Variants in TEAD1 observed in about 807,000 individuals in gnomAD.
The protein encoded by TEAD1 is TEA domain transcription factor 1, also known as transcriptional enhancer factor TEF-1.
Under a neutral mutation model 54.9 loss-of-function variants are expected in TEAD1, and 9 were observed. The observed-to-expected ratio is 0.16, with a 90% CI of 0.10 to 0.29. The LOEUF (loss-of-function observed/expected upper bound fraction) is 0.29, where lower values mean the gene tolerates loss of function less well. Ranked by LOEUF, TEAD1 falls within the 10% of genes least tolerant of loss-of-function variation. The probability of loss-of-function intolerance (pLI) is 1.00; values close to 1 mark genes in which losing one functional copy is unlikely to be tolerated. For missense variants in TEAD1, 387 were observed against 535.9 expected, an observed-to-expected ratio of 0.72 and a Z score of 2.74; for synonymous variants, 200 against 187.8, an observed-to-expected ratio of 1.07 and a Z score of -0.53.
rs139186284 is a variant in TEAD1, at chr11:12,869,129, T to C, written c.330+4229T>C. On this transcript the variant is annotated intron_variant, in intron 5 of 12. Transcript: ENST00000527636. ...AGGGAAGGGCCCTCGATTATCCCAC[T>C]GAGGAGAAGGGATTCATCTGTGGGC... 5.2e-3 allele frequency among the ~76,000 whole-genome samples: 789 copies of C among 152,278 alleles called. 4 individuals carry two copies. The highest frequency in any genetic ancestry group is 0.018 in the African/African-American group (762 of 41,552).
intron 3 of TEAD1, among the ~76,000 whole-genome samples, chr11:12,846,224 A>G (rs575208789): frequency 6.6e-6 from 1 of 152,314 alleles, no homozygotes; most frequent in Admixed American, 6.5e-5. Context: ...TGTTGCCTGC[A>G]TGGAGAGTGG....
At chr11:12,845,326 A>G (rs1014770330) in intron 3 of TEAD1, among the ~76,000 whole-genome samples, 6 of 152,152 alleles carry the variant, frequency 3.9e-5, no homozygotes, top group African/African-American at 1.4e-4. Context: ...CTGCAGGGAA[A>G]GAGACATTTG....
intron 5 of TEAD1, among the ~76,000 whole-genome samples, chr11:12,878,096 C>G (rs77556212): frequency 0.021 from 3,242 of 152,192 alleles, 115 homozygotes; most frequent in African/African-American, 0.073. Flanking sequence ...TGTGAGCAGC[C>G]ACACCTGGTC....
chr11:12,785,459 T>G, intron 3 of TEAD1, among the ~76,000 whole-genome samples: 1 of 152,138 alleles, frequency 6.6e-6, no homozygotes, highest in East Asian at 1.9e-4. Context: ...AATGACCATA[T>G]CATTTAATGT....
intron 3 of TEAD1, among the ~76,000 whole-genome samples, chr11:12,848,496 G>A (rs1392627756): frequency 6.6e-6 from 1 of 152,170 alleles, no homozygotes; most frequent in East Asian, 1.9e-4. Context: ...AAGGAACTTG[G>A]AAGACAAAGC....
intron 1 of TEAD1, 71 bp downstream of exon 1, chr11:12,674,905 C>A (rs928355924): frequency 6.8e-6 from 1 of 146,492 alleles, no homozygotes; most frequent in Admixed American, 6.8e-5. Flanking sequence ...GGCGGCGCGT[C>A]CCTCGCGGGC....
chr11:12,801,239 C>A (rs1179400100), intron 3 of TEAD1, among the ~76,000 whole-genome samples: 1 of 152,186 alleles, frequency 6.6e-6, no homozygotes, highest in African/African-American at 2.4e-5. Context: ...ATTTTCACCG[C>A]AATAAAAGCT....
chr11:12,845,338 A>G (rs2134041246), intron 3 of TEAD1, among the ~76,000 whole-genome samples: 1 of 152,130 alleles, frequency 6.6e-6, no homozygotes, highest in Non-Finnish European at 1.5e-5. Context: ...AGACATTTGG[A>G]ATGTTGTGGA....
intron 5 of TEAD1, chr11:12,878,753 C>G: frequency 2.4e-6 from 1 of 409,204 alleles, no homozygotes; most frequent in South Asian, 3.9e-5. Context: ...TTTTATTGTT[C>G]CCAAGTATTA....
rs539317881 is a variant in TEAD1 at position 12,748,711 on chromosome 11, G to C, written c.-54-15468G>C. ...CACCCATATCATCTCGTATAACCAG[G>C]CTTGGGGACTAGGTTGTTGGCAGTG... On this transcript the variant is annotated intron_variant, in intron 2 of 12. Transcript: ENST00000527636. 7.9e-5 allele frequency among the ~76,000 whole-genome samples: 12 copies of C among 152,186 alleles called. No individual in the cohort carries two copies. The South Asian group carries it at 2.3e-3, about 29-fold the overall frequency.
Position 12,893,170 on chromosome 11 carries a change from G to GA in TEAD1, c.700-8770_700-8769insA, listed in dbSNP as rs758181420. 2.0e-5 allele frequency among the ~76,000 whole-genome samples: 3 copies of GA among 152,246 alleles called. No homozygotes were observed. The South Asian group carries it at 6.2e-4, about 32-fold the overall frequency. On this transcript the variant is annotated intron_variant, in intron 9 of 12. Transcript: ENST00000527636. ...GTCGGAAAGTACATTTGGCCTTCCA[G>GA]GTTTGGGGAGGAAGGCTGCAGCTGA...
intron 3 of TEAD1, among the ~76,000 whole-genome samples, chr11:12,792,881 C>A (rs1472575133): frequency 2.0e-5 from 3 of 152,052 alleles, no homozygotes; most frequent in African/African-American, 7.2e-5. Flanking sequence ...CATAGCAAGA[C>A]CCCATCTCTA....
chr11:12,858,413 GATCAGCCT>G, intron 3 of TEAD1, among the ~76,000 whole-genome samples: 1 of 152,174 alleles, frequency 6.6e-6, no homozygotes, highest in African/African-American at 2.4e-5. Flanking sequence ...CTAGGTAACA[GATCAGCCT>G]GTATTTCCAA....
In TEAD1 at chr11:12,799,313, C is replaced by T. The variant is rs890728490; in HGVS notation, c.202+34879C>T. 3.3e-5 allele frequency among the ~76,000 whole-genome samples: 5 copies of T among 152,324 alleles called. 1 individual carries two copies. The highest frequency in any genetic ancestry group is 6.8e-3 in the Middle Eastern group (2 of 294). ...GAATCTGGGCACAGAGCACTGAAGG[C>T]GCTTGTTAATAGTCACATGCAATCT... On this transcript the variant is annotated intron_variant, in intron 3 of 12. Transcript: ENST00000527636.
intron 3 of TEAD1, among the ~76,000 whole-genome samples, chr11:12,797,321 C>T (rs1945953536): frequency 6.6e-6 from 1 of 152,174 alleles, no homozygotes; most frequent in Non-Finnish European, 1.5e-5. Flanking sequence ...TGGACAATCA[C>T]AGAATGTGGG....
rs2134163645 is a variant in TEAD1 at position 12,925,522 on chromosome 11, C to G, written c.1014+470C>G. 1.3e-5 allele frequency among the ~76,000 whole-genome samples: 2 copies of G among 152,312 alleles called. 1 individual carries two copies. ...GGGTGGGGATACAACCAAACCATAT[C>G]ACCCTCCTTCTTTCTCCCACTTCTT... On this transcript the variant is annotated intron_variant, in intron 11 of 12. Transcript: ENST00000527636.
intron 10 of TEAD1, chr11:12,904,918 C>A: frequency 3.0e-6 from 1 of 328,714 alleles, no homozygotes; most frequent in Non-Finnish European, 5.9e-6. Flanking sequence ...TGGGAATTTA[C>A]TTGAGGTCAG....
rs563938748 is a variant in TEAD1 at position 12,698,219 on chromosome 11, G to T, written c.-55+22658G>T. Among the ~76,000 whole-genome samples the T allele has an allele frequency of 2.0e-5, 3 of 152,232 alleles. No homozygotes were observed. The South Asian group carries it at 6.2e-4, about 32-fold the overall frequency. Reference sequence around the variant, plus strand: ...TTGTGCAAGTGAGGAAGCGGGGACCGGGAGGTGAGGAGCCTTGCCGTGAAG... The same window carrying T: ...TTGTGCAAGTGAGGAAGCGGGGACCTGGAGGTGAGGAGCCTTGCCGTGAAG... On this transcript the variant is annotated intron_variant, in intron 2 of 12. Transcript: ENST00000527636.
chr11:12,868,407 G>A lies in TEAD1; in HGVS notation c.330+3507G>A, dbSNP rs1181929349. Among the ~76,000 whole-genome samples the A allele has an allele frequency of 2.0e-5, 3 of 152,106 alleles. No homozygotes were observed. In the East Asian group the frequency reaches 5.8e-4, roughly 29 times the overall value. On this transcript the variant is annotated intron_variant, in intron 5 of 12. Coordinates refer to ENST00000527636, the MANE Select transcript of TEAD1 (RefSeq NM_021961.6). ...AGAGAGCTCCTGTGTCCCATTTAAA[G>A]CCCATGTTTTTAAATTCTGTAGTTT... is the stretch of plus-strand genomic sequence containing the variant.
Sources: gnomAD v4.1 joint callset for allele counts (sites outside exome capture counted in the v4.1 genomes callset) on GRCh38, gnomAD v4.1.1 for gene constraint, MANE v1.5 for transcripts, NCBI Gene and HGNC (gene_info 2026-07-23, HGNC 2026-07-21) for gene names.